PRKCD: variants seen among roughly 807,000 people sequenced by gnomAD.
The protein encoded by PRKCD is protein kinase C delta, also known as protein kinase C delta type.
A neutral mutation model predicts 82.2 loss-of-function variants in PRKCD; 20 were observed. That is an observed-to-expected ratio of 0.24 (90% CI 0.17 to 0.35). The LOEUF (loss-of-function observed/expected upper bound fraction) is 0.35. Among genes scored for constraint, PRKCD ranks in the 10% least tolerant of loss-of-function variants. PRKCD has a pLI of 1.00. For missense variants in PRKCD, 607 were observed against 899.0 expected (o/e 0.68, Z 4.15); for synonymous variants, 317 against 337.0 (o/e 0.94, Z 0.65).
chr3:53,175,087 A>T (rs1357571961), intron 2 of PRKCD, among the ~76,000 whole-genome samples: 1 of 151,946 alleles, frequency 6.6e-6, no homozygotes, highest in African/African-American at 2.4e-5. Context: ...GGGTAGGGGA[A>T]GCCATGGAGC....
At chr3:53,192,082 C>T (rs371706063) in intron 18 of PRKCD, 26 bp from the exon 19 acceptor site, 52 of 1,613,290 alleles carry the variant, frequency 3.2e-5, no homozygotes, top group African/African-American at 5.3e-5. Context: ...AGGTCCTGTT[C>T]GCTCACCCCT....
intron 10 of PRKCD, among the ~76,000 whole-genome samples, chr3:53,185,218 AAC>A (rs1703628553): frequency 6.6e-6 from 1 of 152,208 alleles, no homozygotes; most frequent in Non-Finnish European, 1.5e-5. Flanking sequence ...TGGGTGTTGG[AAC>A]ACTTTGAACT....
intron 2 of PRKCD, among the ~76,000 whole-genome samples, chr3:53,177,861 G>A (rs941081027): frequency 2.0e-5 from 3 of 152,078 alleles, no homozygotes; most frequent in Admixed American, 1.3e-4. Context: ...TGCCCAGTGG[G>A]CCCAACATCA....
intron 2 of PRKCD, among the ~76,000 whole-genome samples, chr3:53,168,679 T>A (rs1279894910): frequency 4.7e-5 from 7 of 148,896 alleles, no homozygotes; most frequent in African/African-American, 1.7e-4. Flanking sequence ...CTGTGTGGGG[T>A]GGGGTGGAGC....
intron 2 of PRKCD, among the ~76,000 whole-genome samples, chr3:53,176,112 C>G (rs1032074171): frequency 2.6e-5 from 4 of 152,196 alleles, no homozygotes; most frequent in Non-Finnish European, 5.9e-5. Context: ...CCAACTGGCC[C>G]TCTCTCCCTG....
chr3:53,188,912 G>C (rs548907401), intron 16 of PRKCD, 54 bp downstream of exon 16: 1 of 1,604,184 alleles, frequency 6.2e-7, no homozygotes, highest in Admixed American at 1.7e-5. Context: ...GCCTCCCCAC[G>C]GTGGGCCAGG....
intron 1 of PRKCD, among the ~76,000 whole-genome samples, chr3:53,163,433 G>C (rs1215928406): frequency 1.3e-5 from 2 of 151,926 alleles, no homozygotes; most frequent in Non-Finnish European, 2.9e-5. Context: ...ACATGGAGAG[G>C]GCTAGAGGGC....
rs551694897 is a variant in PRKCD, at chr3:53,188,871, C to T, written c.1554+13C>T. Reference sequence around the variant, plus strand: ...TATCGCCCCTGAGGTGAGCCGATACCCTTCCAGCCCCCCGCTCAGTCAGGC... The same window carrying T: ...TATCGCCCCTGAGGTGAGCCGATACTCTTCCAGCCCCCCGCTCAGTCAGGC... On this transcript the variant is annotated intron_variant, in intron 16 of 18. Transcript: ENST00000330452. 4.9e-5 allele frequency: 79 copies of T among 1,613,568 alleles called. No homozygotes were observed. The South Asian group carries it at 8.0e-4, about 16-fold the overall frequency.
intron 2 of PRKCD, among the ~76,000 whole-genome samples, chr3:53,171,564 A>G (rs1191768523): frequency 6.6e-6 from 1 of 152,052 alleles, no homozygotes; most frequent in Admixed American, 6.5e-5. Context: ...GTAATCACAT[A>G]TTTATGTGAC....
chr3:53,182,628 G>A (rs762035524), intron 7 of PRKCD, among the ~76,000 whole-genome samples: 1 of 152,178 alleles, frequency 6.6e-6, no homozygotes, highest in Non-Finnish European at 1.5e-5. Flanking sequence ...AGATCAAATG[G>A]AATAAGATAT....
chr3:53,179,353 G>A (rs1703334960), intron 3 of PRKCD: 2 of 680,896 alleles, frequency 2.9e-6, no homozygotes, highest in Non-Finnish European at 5.4e-6. Flanking sequence ...AATGGAGCTG[G>A]AGCAAGAGGA....
At chr3:53,183,298 T>A in intron 8 of PRKCD, 92 bp downstream of exon 8, 2 of 1,553,578 alleles carry the variant, frequency 1.3e-6, no homozygotes, top group Non-Finnish European at 1.8e-6. Flanking sequence ...CTGGGGAGCT[T>A]ACCCTCCCTC....
intron 2 of PRKCD, among the ~76,000 whole-genome samples, chr3:53,176,114 C>G (rs539499599): frequency 1.6e-3 from 251 of 152,332 alleles, no homozygotes; most frequent in African/African-American, 5.7e-3. Flanking sequence ...AACTGGCCCT[C>G]TCTCCCTGGC....
intron 2 of PRKCD, among the ~76,000 whole-genome samples, chr3:53,177,050 G>A (rs1471929989): frequency 2.0e-5 from 3 of 152,170 alleles, no homozygotes; most frequent in African/African-American, 4.8e-5. Context: ...GGCTGGTCTC[G>A]AACTCCTGAC....
At position 53,189,263 on chromosome 3, in the gene PRKCD, G is replaced by A. The variant is rs781830756; in HGVS notation, c.1743+17G>A. 1 of 1,523,524 alleles carries A rather than the reference G, an allele frequency of 6.6e-7. No homozygotes were observed. The highest frequency in any genetic ancestry group is 1.5e-5 in the African/African-American group (1 of 68,928). 94.4% of individuals were successfully genotyped at this position (1,523,524 alleles called of 1,614,324 possible). A position where few individuals can be genotyped will look rare whatever the true frequency, so the allele number is the denominator to read the frequency against. The stretch of plus-strand genomic sequence containing the variant: ...CTGGAGAAGGTGGAGGCCCTGGGCT[G>A]GGCTGGGCTGGTCTGGGCTGGGCTG... On this transcript the variant is annotated intron_variant, in intron 17 of 18. Transcript: ENST00000330452.
At chr3:53,172,606 GGT>G (rs1343301942) in intron 2 of PRKCD, among the ~76,000 whole-genome samples, 4 of 152,188 alleles carry the variant, frequency 2.6e-5, no homozygotes, top group African/African-American at 9.7e-5. Context: ...GCAGGTGTCA[GGT>G]GTGTGGGGGA....
At position 53,185,659 on chromosome 3, in the gene PRKCD, G is replaced by T. The variant is rs1553668829; in HGVS notation, c.944G>T (p.Gly315Val). 2 of 1,612,964 alleles carry T rather than the reference G, an allele frequency of 1.2e-6. No individual in the cohort carries two copies. Among genetic ancestry groups the T allele is most frequent in the Non-Finnish European group, 1.7e-6 (2 of 1,180,032 alleles). The change falls in exon 11 of 19, where the codon GGT (glycine) becomes GTT (valine). Residue 315 changes from glycine to valine, a missense_variant. Physicochemically the swap from Gly to Val is moderately radical, Grantham distance 109 (BLOSUM62 -3). Around this residue, in one of 5 missense-constraint regions of PRKCD, gnomAD observed 85 missense variants for 76.1 expected, o/e 1.12. Transcript: ENST00000330452. ...TCAGAGCCTGTTGGGATATATCAGG[G>T]TTTCGAGAAGAAGACCGGAGTTGCT... is the stretch of plus-strand genomic sequence containing the variant. ...ASSEPVGIYQGFEKKTGVAGE... is the reference protein window; with the variant it reads ...ASSEPVGIYQVFEKKTGVAGE...
chr3:53,182,301 T>C (rs1463027040), intron 7 of PRKCD, among the ~76,000 whole-genome samples: 11 of 152,098 alleles, frequency 7.2e-5, no homozygotes, highest in African/African-American at 2.7e-4. Flanking sequence ...CTGAGTCTCA[T>C]TCTGTTGCCC....
At chr3:53,182,569 C>G (rs1363835702) in intron 7 of PRKCD, among the ~76,000 whole-genome samples, 5 of 152,040 alleles carry the variant, frequency 3.3e-5, no homozygotes, top group Admixed American at 6.5e-5. Flanking sequence ...GTGCCTGGCC[C>G]TCATCTATAA....
Sources: allele counts gnomAD v4.1 joint callset (sites outside exome capture counted in the v4.1 genomes callset), GRCh38; gene constraint gnomAD v4.1.1; regional missense constraint gnomAD v4.1.1; transcripts MANE v1.5; gene names NCBI Gene and HGNC (gene_info 2026-07-23, HGNC 2026-07-21).